Variants in NRXN3 observed in about 807,000 individuals in gnomAD.
NRXN3 encodes neurexin 3, also known as neurexin III.
Under a neutral mutation model 137.6 loss-of-function variants are expected in NRXN3, and 32 were observed. The ratio of observed to expected loss-of-function variants is 0.23; its 90% confidence interval spans 0.18 to 0.31. NRXN3 has a LOEUF of 0.31. Among genes scored for constraint, NRXN3 ranks in the 10% least tolerant of loss-of-function variants. The probability of loss-of-function intolerance (pLI) is 1.00; values close to 1 mark genes in which losing one functional copy is unlikely to be tolerated. For synonymous variants in NRXN3, 798 were observed against 784.5 expected (o/e 1.02, Z -0.29); for missense variants, 1,574 against 2,062.5 (o/e 0.76, Z 4.59).
intron 16 of NRXN3, among the ~76,000 whole-genome samples, chr14:79,629,321 G>A (rs2098317291): frequency 6.6e-6 from 1 of 152,092 alleles, no homozygotes; most frequent in African/African-American, 2.4e-5. Context: ...TAAACATAAT[G>A]CTATGCTGGG....
At position 78,715,103 on chromosome 14, in the gene NRXN3, A is replaced by G. The variant is rs750507757; in HGVS notation, c.2008A>G (p.Thr670Ala). Residue 670 changes from threonine to alanine, a missense_variant, in exon 8 of 21, where the codon ACC becomes GCC. Physicochemically the swap from Thr to Ala is moderately conservative, Grantham distance 58. This residue lies in a region of NRXN3 where 718 missense variants were observed against 887.6 expected (regional missense o/e 0.81). Coordinates refer to ENST00000335750, the MANE Select transcript of NRXN3 (RefSeq NM_001330195.2). Reference sequence around the variant, plus strand: ...CTGGAACCGCTTCATCTGCGACTGCACCGGCACCGGATACTGGGGAAGAAC... The same window carrying G: ...CTGGAACCGCTTCATCTGCGACTGCGCCGGCACCGGATACTGGGGAAGAAC... Reference protein sequence around the residue: ...DGWNRFICDCTGTGYWGRTCE... With the variant: ...DGWNRFICDCAGTGYWGRTCE... The G allele has an allele frequency of 2.5e-6, 4 of 1,611,986 alleles. No homozygotes were observed. Among genetic ancestry groups the G allele is most frequent in the Non-Finnish European group, 3.4e-6 (4 of 1,179,488 alleles).
intron 15 of NRXN3, among the ~76,000 whole-genome samples, chr14:79,062,880 G>A (rs1383590859): frequency 6.6e-6 from 1 of 152,050 alleles, no homozygotes; most frequent in East Asian, 1.9e-4. Context: ...ATTCTTGCAG[G>A]GAAAATTGGT....
Position 79,719,382 on chromosome 14 carries a change from G to A in NRXN3, c.4014+21445G>A, listed in dbSNP as rs892980599. On this transcript the variant is annotated intron_variant, in intron 19 of 20. Coordinates refer to ENST00000335750, the MANE Select transcript of NRXN3 (RefSeq NM_001330195.2). The stretch of plus-strand genomic sequence containing the variant: ...GTATTGTGTGTATGTGTATATATAT[G>A]TGTGTGTATATATATGTGTGTATAT... 3.5e-3 allele frequency among the ~76,000 whole-genome samples: 442 copies of A among 127,822 alleles called. 4 individuals carry two copies. The highest frequency in any genetic ancestry group is 0.012 in the African/African-American group (415 of 35,748). 83.9% of individuals were successfully genotyped at this position (127,822 alleles called of 152,430 possible).
chr14:79,030,841 C>T (rs912533919), intron 15 of NRXN3, among the ~76,000 whole-genome samples: 2 of 151,836 alleles, frequency 1.3e-5, no homozygotes, highest in Admixed American at 6.6e-5. Flanking sequence ...TCTCCCCAGT[C>T]GCTATCATCC....
intron 15 of NRXN3, among the ~76,000 whole-genome samples, chr14:79,149,922 T>C (rs1000765860): frequency 6.6e-6 from 1 of 151,972 alleles, no homozygotes; most frequent in African/African-American, 2.4e-5. Context: ...ACCTAGGTGA[T>C]GGGTTGATAG....
chr14:79,240,658 C>CT (rs1182135722), intron 15 of NRXN3, among the ~76,000 whole-genome samples: 1 of 152,098 alleles, frequency 6.6e-6, no homozygotes, highest in Non-Finnish European at 1.5e-5. Context: ...TTTGGCTGCC[C>CT]TTTTTATGTG....
chr14:79,349,948 G>C (rs1045109684), intron 15 of NRXN3, among the ~76,000 whole-genome samples: 3 of 152,114 alleles, frequency 2.0e-5, no homozygotes, highest in Non-Finnish European at 2.9e-5. Flanking sequence ...TCTAGAACTG[G>C]GTGGCAATAA....
chr14:78,553,198 C>G (rs1019822331), intron 4 of NRXN3, among the ~76,000 whole-genome samples: 8 of 152,064 alleles, frequency 5.3e-5, no homozygotes, highest in Non-Finnish European at 1.2e-4. Flanking sequence ...TTACGCCGTC[C>G]TTTGTCTGTG....
intron 15 of NRXN3, among the ~76,000 whole-genome samples, chr14:79,218,847 T>C (rs1396711378): frequency 6.6e-6 from 1 of 152,114 alleles, no homozygotes; most frequent in Non-Finnish European, 1.5e-5. Flanking sequence ...AGTTGGGATT[T>C]ATTATAAATC....
intron 6 of NRXN3, among the ~76,000 whole-genome samples, chr14:78,675,067 T>A (rs893282506): frequency 3.9e-5 from 6 of 152,298 alleles, no homozygotes; most frequent in Non-Finnish European, 7.4e-5. Context: ...GGCACCAGAC[T>A]CTGAAGAAGC....
chr14:78,637,443 T>C (rs769269232), intron 4 of NRXN3, among the ~76,000 whole-genome samples: 6 of 152,240 alleles, frequency 3.9e-5, no homozygotes, highest in Non-Finnish European at 7.3e-5. Context: ...CACTGGTAAT[T>C]ATTTGCTTGT....
intron 4 of NRXN3, among the ~76,000 whole-genome samples, chr14:78,466,328 G>A (rs1176333196): frequency 6.6e-6 from 1 of 152,216 alleles, no homozygotes; most frequent in Non-Finnish European, 1.5e-5. Flanking sequence ...AATAAAATCA[G>A]TGTCTGAGTG....
chr14:78,205,458 G>A (rs1418259013), intron 1 of NRXN3, among the ~76,000 whole-genome samples: 2 of 152,240 alleles, frequency 1.3e-5, no homozygotes, highest in Non-Finnish European at 2.9e-5. Flanking sequence ...CTTACACTTT[G>A]CTTGGGTAGA....
At chr14:79,784,404 T>C (rs527518811) in intron 19 of NRXN3, among the ~76,000 whole-genome samples, 1 of 152,256 alleles carries the variant, frequency 6.6e-6, no homozygotes, top group South Asian at 2.1e-4. Context: ...AGGTACTGGG[T>C]TTATTTTTGC....
chr14:78,513,726 C>T (rs776073115), intron 4 of NRXN3, among the ~76,000 whole-genome samples: 5 of 152,078 alleles, frequency 3.3e-5, no homozygotes, highest in Non-Finnish European at 5.9e-5. Flanking sequence ...AACATCAGCT[C>T]GTGAGCTCAT....
chr14:78,322,555 C>T (rs74810871), intron 4 of NRXN3, among the ~76,000 whole-genome samples: 3,379 of 152,090 alleles, frequency 0.022, 176 homozygotes, highest in African/African-American at 0.078. Flanking sequence ...TCCCTCAACT[C>T]TGTGCTCCAT....
chr14:78,773,138 A>G (rs1236305970), intron 8 of NRXN3, among the ~76,000 whole-genome samples: 3 of 152,190 alleles, frequency 2.0e-5, no homozygotes, highest in Non-Finnish European at 2.9e-5. Context: ...CCAATGTTAC[A>G]CTGTAATGGG....
intron 10 of NRXN3, among the ~76,000 whole-genome samples, chr14:78,926,803 T>TATA (rs1268272328): frequency 1.0e-4 from 5 of 47,670 alleles, no homozygotes; most frequent in Non-Finnish European, 6.7e-5. Flanking sequence ...ATATTATATA[T>TATA]TTATATATAT....
At chr14:78,226,293 G>A (rs1256786238) in intron 1 of NRXN3, among the ~76,000 whole-genome samples, 2 of 152,138 alleles carry the variant, frequency 1.3e-5, no homozygotes, top group Non-Finnish European at 2.9e-5. Context: ...GTGAGCCACC[G>A]GGTCCGGCCC....
Sources: allele counts gnomAD v4.1 joint callset (sites outside exome capture counted in the v4.1 genomes callset), GRCh38; gene constraint gnomAD v4.1.1; regional missense constraint gnomAD v4.1.1; transcripts MANE v1.5; gene names NCBI Gene and HGNC (gene_info 2026-07-23, HGNC 2026-07-21).